The following EPHA5 variants were observed in gnomAD, a reference collection of about 807,000 sequenced individuals.
EPHA5 encodes ephrin type-A receptor 5.
EPHA5 carries 60 observed loss-of-function variants against 105.0 expected under a neutral mutation model. The observed-to-expected ratio is 0.57, with a 90% CI of 0.46 to 0.71. The LOEUF is 0.71. EPHA5 is among the 30% of genes least tolerant of loss of function. The pLI is 0.00. For synonymous variants in EPHA5, 513 were observed against 449.1 expected, an observed-to-expected ratio of 1.14 and a Z score of -1.80; for missense variants, 1,218 against 1,274.7, an observed-to-expected ratio of 0.96 and a Z score of 0.68.
intron 3 of EPHA5, among the ~76,000 whole-genome samples, chr4:65,580,290 C>G (rs1405744737): frequency 6.6e-6 from 1 of 151,788 alleles, no homozygotes; most frequent in East Asian, 1.9e-4. Flanking sequence ...TTAATACAAA[C>G]AAACCTACAG....
intron 3 of EPHA5, among the ~76,000 whole-genome samples, chr4:65,580,606 T>C (rs1395448539): frequency 1.3e-5 from 2 of 151,454 alleles, no homozygotes; most frequent in Non-Finnish European, 3.0e-5. Flanking sequence ...GAAACACATA[T>C]CAAATAAAAT....
At chr4:65,583,327 A>G (rs192257511) in intron 3 of EPHA5, among the ~76,000 whole-genome samples, 261 of 151,850 alleles carry the variant, frequency 1.7e-3, no homozygotes, top group African/African-American at 5.9e-3. Context: ...AAAAAAAGAA[A>G]ACTAAAATAA....
At chr4:65,532,428 T>A (rs1190375195) in intron 3 of EPHA5, among the ~76,000 whole-genome samples, 2 of 151,988 alleles carry the variant, frequency 1.3e-5, no homozygotes, top group Non-Finnish European at 2.9e-5. Context: ...GTACCAGGTG[T>A]TATTAACTGT....
intron 15 of EPHA5, among the ~76,000 whole-genome samples, 168 bp downstream of exon 15, chr4:65,335,764 T>C (rs1419223440): frequency 6.6e-6 from 1 of 152,070 alleles, no homozygotes; most frequent in Non-Finnish European, 1.5e-5. Flanking sequence ...TAGTCACATA[T>C]TTCATTCATT....
At chr4:65,443,240 C>A (rs1166350375) in intron 5 of EPHA5, among the ~76,000 whole-genome samples, 3 of 151,800 alleles carry the variant, frequency 2.0e-5, no homozygotes, top group Non-Finnish European at 4.4e-5. Flanking sequence ...AAAAGTGTAT[C>A]CATATATAAC....
chr4:65,593,838 A>G lies in EPHA5; in HGVS notation c.910+7803T>C, dbSNP rs571788395. On this transcript the variant is annotated intron_variant, in intron 3 of 16. Transcript: ENST00000613740. ...CAAATACCTCCTGATGCTTTCAGAG[A>G]TCAATTTTAATGTTTGAAGTCTATT... 9.8e-5 allele frequency among the ~76,000 whole-genome samples: 15 copies of G among 152,308 alleles called. No homozygotes were observed. In the South Asian group the frequency reaches 2.9e-3, roughly 29 times the overall value.
chr4:65,628,099 GA>G (rs1275600339), intron 2 of EPHA5, among the ~76,000 whole-genome samples: 3 of 151,684 alleles, frequency 2.0e-5, no homozygotes, highest in Admixed American at 1.3e-4. Flanking sequence ...TGAATTCATT[GA>G]AAAAAATGGA....
intron 7 of EPHA5, among the ~76,000 whole-genome samples, chr4:65,411,953 G>C (rs1265518000): frequency 6.6e-6 from 1 of 152,180 alleles, no homozygotes; most frequent in Non-Finnish European, 1.5e-5. Flanking sequence ...ATTAGGCTGG[G>C]CACGGTGGCT....
intron 3 of EPHA5, among the ~76,000 whole-genome samples, chr4:65,574,908 A>G (rs1740739152): frequency 6.6e-6 from 1 of 151,528 alleles, no homozygotes; most frequent in South Asian, 2.1e-4. Context: ...TTCAAGGATT[A>G]GAGCTAGAGA....
At chr4:65,535,184 A>G (rs1375553663) in intron 3 of EPHA5, among the ~76,000 whole-genome samples, 2 of 152,202 alleles carry the variant, frequency 1.3e-5, no homozygotes, top group Non-Finnish European at 2.9e-5. Flanking sequence ...ATAATTCACC[A>G]TGGGATCTTC....
intron 1 of EPHA5, among the ~76,000 whole-genome samples, chr4:65,665,532 G>A (rs1465295211): frequency 6.6e-6 from 1 of 152,002 alleles, no homozygotes; most frequent in Non-Finnish European, 1.5e-5. Context: ...AGTAAATAAT[G>A]TTCTTATAGG....
At chr4:65,498,509 G>T (rs72641095) in intron 3 of EPHA5, among the ~76,000 whole-genome samples, 2,169 of 151,894 alleles carry the variant, frequency 0.014, 26 homozygotes, top group Middle Eastern at 0.024. Context: ...TGTTTCTATT[G>T]CATTGGTCCA....
chr4:65,581,432 A>G (rs1578487379), intron 3 of EPHA5, among the ~76,000 whole-genome samples: 1 of 151,764 alleles, frequency 6.6e-6, no homozygotes, highest in African/African-American at 2.4e-5. Flanking sequence ...TCAATCTCTT[A>G]TTTTAAAGAC....
At chr4:65,493,800 T>G (rs1731657273) in intron 4 of EPHA5, among the ~76,000 whole-genome samples, 1 of 149,810 alleles carries the variant, frequency 6.7e-6, no homozygotes, top group Non-Finnish European at 1.5e-5. Flanking sequence ...TCCTAACAAA[T>G]TTGCAGAAAG....
At chr4:65,641,918 A>G (rs1747703370) in intron 2 of EPHA5, among the ~76,000 whole-genome samples, 1 of 152,120 alleles carries the variant, frequency 6.6e-6, no homozygotes, top group South Asian at 2.1e-4. Flanking sequence ...TTATGTTTTT[A>G]TAAAGCAATT....
At chr4:65,432,113 T>C (rs1397104659) in intron 5 of EPHA5, among the ~76,000 whole-genome samples, 1 of 152,176 alleles carries the variant, frequency 6.6e-6, no homozygotes, top group Non-Finnish European at 1.5e-5. Context: ...TTTATGACAT[T>C]ATGTTACAAG....
Position 65,359,540 on chromosome 4 carries a change from C to T in EPHA5, c.2173+5477G>A, listed in dbSNP as rs1717064043. Among the ~76,000 whole-genome samples the T allele has an allele frequency of 1.3e-5, 2 of 151,474 alleles. 1 individual carries two copies. The highest frequency in any genetic ancestry group is 3.0e-5 in the Non-Finnish European group (2 of 67,704). The stretch of plus-strand genomic sequence containing the variant: ...ATCTTGTTCCTCATAAGCTTTTCTC[C>T]ATAAATTGCAACTCCTTTTTTGGAG... On this transcript the variant is annotated intron_variant, in intron 11 of 16. Transcript: ENST00000613740.
At chr4:65,327,180 T>G (rs1577813290) in intron 16 of EPHA5, among the ~76,000 whole-genome samples, 1 of 151,286 alleles carries the variant, frequency 6.6e-6, no homozygotes, top group Non-Finnish European at 1.5e-5. Context: ...AAATTTTATT[T>G]GATTAATAAA....
intron 3 of EPHA5, among the ~76,000 whole-genome samples, chr4:65,578,032 A>G (rs922842429): frequency 6.6e-6 from 1 of 152,218 alleles, no homozygotes; most frequent in Non-Finnish European, 1.5e-5. Context: ...TTAATTATAA[A>G]TAATTTCAAT....
Sources: gnomAD v4.1 joint callset for allele counts (sites outside exome capture counted in the v4.1 genomes callset) on GRCh38, gnomAD v4.1.1 for gene constraint, MANE v1.5 for transcripts, NCBI Gene and HGNC (gene_info 2026-07-23, HGNC 2026-07-21) for gene names.